The following CACNA2D1 variants were observed in gnomAD, a reference collection of about 807,000 sequenced individuals.
CACNA2D1 encodes the protein voltage-dependent calcium channel subunit alpha-2/delta-1.
Under a neutral mutation model 171.5 loss-of-function variants are expected in CACNA2D1, and 53 were observed. The observed-to-expected ratio is 0.31, with a 90% CI of 0.25 to 0.39. CACNA2D1 has a LOEUF of 0.39. Among genes scored for constraint, CACNA2D1 ranks in the 10% least tolerant of loss-of-function variants. CACNA2D1 has a pLI of 1.00. For missense variants in CACNA2D1, 903 were observed against 1,299.8 expected (o/e 0.69, Z 4.69); for synonymous variants, 442 against 443.1 (o/e 1.00, Z 0.03).
intron 6 of CACNA2D1, among the ~76,000 whole-genome samples, chr7:82,091,438 GT>G (rs1722457512): frequency 6.6e-6 from 1 of 152,180 alleles, no homozygotes; most frequent in Admixed American, 6.5e-5. Context: ...TATCACTTTA[GT>G]TTCCTGCGGA....
intron 2 of CACNA2D1, chr7:82,343,053 C>A (rs1204041712): frequency 1.3e-5 from 2 of 152,108 alleles, no homozygotes; most frequent in Non-Finnish European, 2.9e-5. Flanking sequence ...TATATACATA[C>A]CACATATACA....
chr7:82,139,022 T>C (rs150222916), intron 4 of CACNA2D1, among the ~76,000 whole-genome samples: 67 of 152,272 alleles, frequency 4.4e-4, no homozygotes, highest in African/African-American at 5.5e-4. Flanking sequence ...TGAGGCTGCA[T>C]TGAATTTCAA....
Position 82,005,841 on chromosome 7 carries a change from TATA to T in CACNA2D1, c.1441-5_1441-3del, listed in dbSNP as rs769946298. Reference sequence around the variant, plus strand: ...CATCACACCAAGAATCAGCTGGTTCTATAATAAGAGGGCAAAAAATGGCATTTT... The same window carrying T: ...CATCACACCAAGAATCAGCTGGTTCTATAAGAGGGCAAAAAATGGCATTTT... On this transcript the variant is annotated splice_region_variant and splice_polypyrimidine_tract_variant and intron_variant, in intron 16 of 38. Coordinates refer to ENST00000356860, the MANE Select transcript of CACNA2D1 (RefSeq NM_000722.4). 1.3e-5 allele frequency: 20 copies of T among 1,593,658 alleles called. No individual in the cohort carries two copies. The highest frequency in any genetic ancestry group is 1.1e-4 in the African/African-American group (8 of 74,212).
intron 20 of CACNA2D1, among the ~76,000 whole-genome samples, 154 bp from the exon 21 acceptor site, chr7:81,991,400 C>T (rs1660322080): frequency 6.6e-6 from 1 of 152,058 alleles, no homozygotes; most frequent in African/African-American, 2.4e-5. Flanking sequence ...TATTTATTTT[C>T]TGGGTGTGTC....
intron 4 of CACNA2D1, among the ~76,000 whole-genome samples, chr7:82,164,723 G>T (rs1241739713): frequency 6.6e-6 from 1 of 151,800 alleles, no homozygotes; most frequent in Non-Finnish European, 1.5e-5. Context: ...TTTTGAACAA[G>T]GATATGAAAT....
At chr7:82,177,887 T>C (rs1447446260) in intron 3 of CACNA2D1, among the ~76,000 whole-genome samples, 1 of 152,154 alleles carries the variant, frequency 6.6e-6, no homozygotes, top group Admixed American at 6.6e-5. Context: ...GTTTTACTTA[T>C]GCTTGCTAAA....
intron 24 of CACNA2D1, 32 bp from the exon 25 acceptor site, chr7:81,974,584 T>G (rs199508976): frequency 3.9e-5 from 45 of 1,166,502 alleles, no homozygotes; most frequent in Middle Eastern, 2.3e-4. Context: ...ATATTAGATA[T>G]TAAAATCAAA....
chr7:82,266,620 T>C (rs1807891430), intron 3 of CACNA2D1, among the ~76,000 whole-genome samples: 1 of 151,864 alleles, frequency 6.6e-6, no homozygotes, highest in African/African-American at 2.4e-5. Flanking sequence ...GGTTTCAAGC[T>C]ATTCTCCTGC....
At chr7:82,246,220 T>C (rs1441946147) in intron 3 of CACNA2D1, among the ~76,000 whole-genome samples, 1 of 146,384 alleles carries the variant, frequency 6.8e-6, no homozygotes, top group African/African-American at 2.7e-5. Context: ...TATATAGATA[T>C]GTATATATCT....
At chr7:82,006,223 C>T (rs1045359028) in intron 16 of CACNA2D1, among the ~76,000 whole-genome samples, 3 of 151,746 alleles carry the variant, frequency 2.0e-5, no homozygotes, top group African/African-American at 7.3e-5. Flanking sequence ...ATTAAGAAAC[C>T]ACAAGAATGT....
At chr7:82,137,838 C>A (rs955355228) in intron 4 of CACNA2D1, among the ~76,000 whole-genome samples, 9 of 151,460 alleles carry the variant, frequency 5.9e-5, no homozygotes, top group South Asian at 4.2e-4. Context: ...TGAGATCGCG[C>A]GACAGAGCGA....
At chr7:82,199,526 A>G (rs1799195545) in intron 3 of CACNA2D1, among the ~76,000 whole-genome samples, 1 of 152,132 alleles carries the variant, frequency 6.6e-6, no homozygotes, top group South Asian at 2.1e-4. Flanking sequence ...TTATTTCAGT[A>G]TACAGAAACA....
chr7:82,390,547 G>A lies in CACNA2D1; in HGVS notation c.96-40898C>T, dbSNP rs1585773946. On this transcript the variant is annotated intron_variant, in intron 1 of 38. Transcript: ENST00000356860. ...ACATCAACAAGAAAAGTCAATTATC[G>A]AAGAAGCTAATGCAAAATGACTAGC... 3.3e-5 allele frequency among the ~76,000 whole-genome samples: 5 copies of A among 152,026 alleles called. No homozygotes were observed. In the South Asian group the frequency reaches 6.2e-4, roughly 19 times the overall value.
intron 1 of CACNA2D1, among the ~76,000 whole-genome samples, chr7:82,416,995 G>A (rs926508344): frequency 1.3e-5 from 2 of 152,232 alleles, no homozygotes; most frequent in African/African-American, 4.8e-5. Flanking sequence ...AAAGGAAAGA[G>A]TGATCCAGCA....
intron 15 of CACNA2D1, among the ~76,000 whole-genome samples, chr7:82,010,080 T>C (rs936161290): frequency 6.6e-6 from 1 of 152,084 alleles, no homozygotes; most frequent in Admixed American, 6.6e-5. Flanking sequence ...AATCTTACAC[T>C]AATATCAGCT....
chr7:82,085,567 T>A (rs1810363217), intron 6 of CACNA2D1, among the ~76,000 whole-genome samples: 1 of 151,576 alleles, frequency 6.6e-6, no homozygotes, highest in Non-Finnish European at 1.5e-5. Flanking sequence ...GCTAATTAAC[T>A]ATGTTTATAC....
chr7:82,437,016 A>G (rs1029480884), intron 1 of CACNA2D1, among the ~76,000 whole-genome samples: 2 of 152,176 alleles, frequency 1.3e-5, no homozygotes, highest in Non-Finnish European at 2.9e-5. Flanking sequence ...TACATATTAC[A>G]GGTTTATCTG....
intron 3 of CACNA2D1, among the ~76,000 whole-genome samples, chr7:82,329,890 A>C (rs764545017): frequency 1.3e-5 from 2 of 151,636 alleles, no homozygotes; most frequent in Non-Finnish European, 2.9e-5. Flanking sequence ...GAATTCTACC[A>C]CTACCTCATG....
At chr7:82,156,982 C>T (rs952878013) in intron 4 of CACNA2D1, among the ~76,000 whole-genome samples, 1 of 152,060 alleles carries the variant, frequency 6.6e-6, no homozygotes, top group African/African-American at 2.4e-5. Flanking sequence ...CAACAAGTAG[C>T]CTTGAATCTT....
Sources: gnomAD v4.1 joint callset for allele counts (sites outside exome capture counted in the v4.1 genomes callset) on GRCh38, gnomAD v4.1.1 for gene constraint, MANE v1.5 for transcripts, NCBI Gene and HGNC (gene_info 2026-07-23, HGNC 2026-07-21) for gene names.